Variants in NAALADL2 observed in about 807,000 individuals in gnomAD.
NAALADL2 encodes inactive N-acetylated-alpha-linked acidic dipeptidase-like protein 2.
NAALADL2 carries 76 observed loss-of-function variants against 87.2 expected under a neutral mutation model. The observed-to-expected ratio is 0.87, with a 90% CI of 0.72 to 1.05. The LOEUF (loss-of-function observed/expected upper bound fraction) is 1.05, where lower values mean the gene tolerates loss of function less well. Among genes scored for constraint, NAALADL2 ranks in the 50% least tolerant of loss-of-function variants. NAALADL2 has a pLI of 0.00. For missense variants in NAALADL2, 1,089 were observed against 945.8 expected, an observed-to-expected ratio of 1.15 and a Z score of -1.99; for synonymous variants, 354 against 331.0, an observed-to-expected ratio of 1.07 and a Z score of -0.75.
intron 11 of NAALADL2, among the ~76,000 whole-genome samples, chr3:175,710,074 T>C (rs12107490): frequency 0.072 from 10,911 of 151,862 alleles, 615 homozygotes; most frequent in African/African-American, 0.16. Context: ...CATGTTCCAG[T>C]AGTGATAGAA....
At chr3:175,326,945 A>G (rs1581435004) in intron 5 of NAALADL2, among the ~76,000 whole-genome samples, 1 of 152,236 alleles carries the variant, frequency 6.6e-6, no homozygotes, top group East Asian at 1.9e-4. Context: ...TATTAGAGGG[A>G]CTAATCTAAA....
Position 174,698,830 on chromosome 3 carries a change from C to T in NAALADL2, c.-114-38811C>T, listed in dbSNP as rs889506168. Among the ~76,000 whole-genome samples, 10 of 96,284 alleles carry T rather than the reference C, an allele frequency of 1.0e-4. 2 individuals carry two copies. The highest frequency in any genetic ancestry group is 7.2e-4 in the African/African-American group (10 of 13,832). 63.2% of individuals were successfully genotyped at this position (96,284 alleles called of 152,430 possible). A position where few individuals can be genotyped will look rare whatever the true frequency, so the allele number is the denominator to read the frequency against. ...AGTGAGCCGAGATCCCGCCACTGCA[C>T]TCCAGCCTGGGTGACAGAGCGAGAC... On this transcript the variant is annotated intron_variant, in intron 2 of 3. Transcript: ENST00000434257.
chr3:175,710,118 G>GA lies in NAALADL2; in HGVS notation c.1897-27188_1897-27187insA, dbSNP rs1382939597. Among the ~76,000 whole-genome samples, 4 of 151,976 alleles carry GA rather than the reference G, an allele frequency of 2.6e-5. No homozygotes were observed. The East Asian group carries it at 7.7e-4, about 29-fold the overall frequency. ...GCAGGAAGAGATATTAAAGGCTTGGGGAGAGATAGATAACTGAGAGAAATC... is the reference window on the plus strand; with the variant it reads ...GCAGGAAGAGATATTAAAGGCTTGGGAGAGAGATAGATAACTGAGAGAAATC... On this transcript the variant is annotated intron_variant, in intron 11 of 13. Transcript: ENST00000454872.
At chr3:175,684,532 C>T (rs1159203119) in intron 11 of NAALADL2, among the ~76,000 whole-genome samples, 4 of 152,126 alleles carry the variant, frequency 2.6e-5, no homozygotes, top group Non-Finnish European at 5.9e-5. Context: ...CAGTGGCTAA[C>T]ACCTGTAATT....
intron 1 of NAALADL2, among the ~76,000 whole-genome samples, chr3:174,510,826 A>G (rs1719555023): frequency 6.6e-6 from 1 of 151,702 alleles, no homozygotes; most frequent in South Asian, 2.1e-4. Flanking sequence ...TCTTTTTCTA[A>G]CATGAGCATT....
intron 2 of NAALADL2, among the ~76,000 whole-genome samples, chr3:174,676,675 T>C (rs1340651911): frequency 6.6e-6 from 1 of 151,896 alleles, no homozygotes; most frequent in Non-Finnish European, 1.5e-5. Context: ...TTGTATAAAC[T>C]TTACATCACA....
At chr3:174,933,237 G>A (rs1737187938) in intron 1 of NAALADL2, among the ~76,000 whole-genome samples, 1 of 152,176 alleles carries the variant, frequency 6.6e-6, no homozygotes, top group African/African-American at 2.4e-5. Flanking sequence ...TCTCCTTGAA[G>A]AGGGAATTGC....
At position 175,218,427 on chromosome 3, in the gene NAALADL2, T is replaced by C. The variant is rs772243798; in HGVS notation, c.546-15504T>C. Among the ~76,000 whole-genome samples, 70 of 151,832 alleles carry C rather than the reference T, an allele frequency of 4.6e-4. 3 individuals carry two copies. The highest frequency in any genetic ancestry group is 1.7e-3 in the Admixed American group (26 of 15,266). On this transcript the variant is annotated intron_variant, in intron 2 of 13. Transcript: ENST00000454872. ...AATCTGAGTTTTCTTACAGGTGATATTGTTCCAAAGGAGGTTTGTTTGTTT... is the reference window on the plus strand; with the variant it reads ...AATCTGAGTTTTCTTACAGGTGATACTGTTCCAAAGGAGGTTTGTTTGTTT...
intron 3 of NAALADL2, among the ~76,000 whole-genome samples, chr3:174,761,315 A>T (rs1355219068): frequency 6.6e-6 from 1 of 152,208 alleles, no homozygotes; most frequent in Non-Finnish European, 1.5e-5. Flanking sequence ...ATAGATGATA[A>T]TTAAAAAAAC....
intron 2 of NAALADL2, among the ~76,000 whole-genome samples, chr3:175,119,901 T>TAA (rs1343789122): frequency 9.6e-5 from 14 of 146,084 alleles, no homozygotes; most frequent in African/African-American, 3.5e-4. Context: ...TATATATATA[T>TAA]AAAGAATAGG....
intron 1 of NAALADL2, among the ~76,000 whole-genome samples, chr3:175,095,160 CTT>C (rs1235609977): frequency 6.6e-6 from 1 of 151,966 alleles, no homozygotes; most frequent in Non-Finnish European, 1.5e-5. Flanking sequence ...CTTATTCTCT[CTT>C]TGTGTTTGTA....
At chr3:174,979,419 C>A (rs1368531617) in intron 1 of NAALADL2, among the ~76,000 whole-genome samples, 1 of 150,522 alleles carries the variant, frequency 6.6e-6, no homozygotes, top group African/African-American at 2.4e-5. Context: ...CATTCTCCTG[C>A]CTCAGTCTCC....
chr3:174,715,236 T>C (rs1247242735), intron 2 of NAALADL2, among the ~76,000 whole-genome samples: 1 of 152,222 alleles, frequency 6.6e-6, no homozygotes, highest in East Asian at 1.9e-4. Flanking sequence ...TTTAGGCTAG[T>C]TCTTTTAGAT....
chr3:174,769,516 G>C (rs1714262883), intron 3 of NAALADL2, among the ~76,000 whole-genome samples: 1 of 151,698 alleles, frequency 6.6e-6, no homozygotes. Flanking sequence ...TTTAAAGGGA[G>C]AAAGCGTCTG....
At chr3:175,053,201 C>T (rs532372406) in intron 1 of NAALADL2, among the ~76,000 whole-genome samples, 1 of 152,256 alleles carries the variant, frequency 6.6e-6, no homozygotes, top group South Asian at 2.1e-4. Context: ...AGAGTGATTA[C>T]ATCCAGGCAT....
chr3:175,096,973 A>G lies in NAALADL2; in HGVS notation c.227A>G (p.His76Arg), dbSNP rs1033378581. The G allele has an allele frequency of 6.2e-7, 1 of 1,613,476 alleles. No individual in the cohort carries two copies. The highest frequency in any genetic ancestry group is 1.3e-5 in the African/African-American group (1 of 75,008). Residue 76 changes from histidine (H) to arginine (R), a missense_variant, in exon 2 of 14, where the codon CAT (histidine) becomes CGT (arginine). Transcript: ENST00000454872. ...LDGAENQNLGHSETIDLNLDS... is the reference protein window; with the variant it reads ...LDGAENQNLGRSETIDLNLDS... ...GGTGCTGAGAATCAGAACCTAGGGC[A>G]TTCAGAGACTATAGACCTCAATCTT...
At chr3:175,775,380 C>G (rs1418792546) in intron 13 of NAALADL2, among the ~76,000 whole-genome samples, 1 of 152,024 alleles carries the variant, frequency 6.6e-6, no homozygotes, top group Non-Finnish European at 1.5e-5. Flanking sequence ...GATGAAATTA[C>G]TTGTAATAAT....
At chr3:175,040,556 T>A (rs1334063461) in intron 1 of NAALADL2, among the ~76,000 whole-genome samples, 1 of 152,162 alleles carries the variant, frequency 6.6e-6, no homozygotes, top group Non-Finnish European at 1.5e-5. Flanking sequence ...CTTTACCCCA[T>A]CTTGACCTCC....
At chr3:175,107,510 A>C (rs1445098051) in intron 2 of NAALADL2, among the ~76,000 whole-genome samples, 2 of 108,370 alleles carry the variant, frequency 1.8e-5, no homozygotes, top group African/African-American at 8.3e-5. Context: ...GAACACACAC[A>C]TACACACACA....
Sources: allele counts gnomAD v4.1 joint callset (sites outside exome capture counted in the v4.1 genomes callset), GRCh38; gene constraint gnomAD v4.1.1; transcripts MANE v1.5; gene names NCBI Gene and HGNC (gene_info 2026-07-23, HGNC 2026-07-21).